The following OPCML variants were observed in gnomAD, a reference collection of about 807,000 sequenced individuals.
The protein encoded by OPCML is opioid binding protein/cell adhesion molecule like, also known as opioid-binding protein/cell adhesion molecule.
OPCML carries 13 observed loss-of-function variants against 37.8 expected under a neutral mutation model. That is an observed-to-expected ratio of 0.34 (90% CI 0.22 to 0.55). The LOEUF is 0.55. Ranked by LOEUF, OPCML falls within the 20% of genes least tolerant of loss-of-function variation. The probability of loss-of-function intolerance (pLI) is 0.91; values close to 1 mark genes in which losing one functional copy is unlikely to be tolerated. For missense variants in OPCML, 341 were observed against 435.6 expected (o/e 0.78, Z 1.93); for synonymous variants, 176 against 168.8 (o/e 1.04, Z -0.33).
intron 1 of OPCML, among the ~76,000 whole-genome samples, chr11:133,429,262 C>T (rs538492829): frequency 3.3e-5 from 5 of 152,166 alleles, no homozygotes; most frequent in Non-Finnish European, 7.3e-5. Flanking sequence ...ACCAGTCTGA[C>T]GTGTTCAAGA....
intron 1 of OPCML, among the ~76,000 whole-genome samples, chr11:133,333,352 C>A (rs1241894380): frequency 6.6e-6 from 1 of 151,820 alleles, no homozygotes; most frequent in South Asian, 2.1e-4. Flanking sequence ...ACACAACCAT[C>A]TGATTTTTAA....
intron 3 of OPCML, among the ~76,000 whole-genome samples, chr11:132,612,200 A>G (rs1216537017): frequency 1.3e-5 from 2 of 152,204 alleles, no homozygotes; most frequent in Non-Finnish European, 2.9e-5. Context: ...TAAGTTACCT[A>G]GAAGAAAAAC....
intron 1 of OPCML, among the ~76,000 whole-genome samples, chr11:133,056,108 T>G (rs1019142972): frequency 6.6e-6 from 1 of 152,248 alleles, no homozygotes; most frequent in African/African-American, 2.4e-5. Context: ...AAAGGCCCAG[T>G]TATCATGGAT....
chr11:133,012,505 A>G (rs1947237877), intron 1 of OPCML, among the ~76,000 whole-genome samples: 2 of 152,234 alleles, frequency 1.3e-5, no homozygotes, highest in Non-Finnish European at 2.9e-5. Flanking sequence ...GGTGTTGCAC[A>G]TGACAGAAAC....
intron 4 of OPCML, among the ~76,000 whole-genome samples, chr11:132,479,966 C>T (rs2096173385): frequency 6.6e-6 from 1 of 152,190 alleles, no homozygotes; most frequent in Non-Finnish European, 1.5e-5. Flanking sequence ...GAGCGCCTCT[C>T]CTCCTCCAAA....
At chr11:133,150,543 G>A (rs1949964810) in intron 1 of OPCML, among the ~76,000 whole-genome samples, 2 of 152,280 alleles carry the variant, frequency 1.3e-5, no homozygotes, top group South Asian at 2.1e-4. Context: ...CTGCCTTACA[G>A]TGTCCTCTAA....
chr11:133,086,677 G>A (rs963583029), intron 1 of OPCML, among the ~76,000 whole-genome samples: 3 of 152,112 alleles, frequency 2.0e-5, no homozygotes, highest in African/African-American at 4.8e-5. Context: ...CTGTACCTTA[G>A]GTCCCCAGAA....
At chr11:133,332,208 C>A (rs974464955) in intron 1 of OPCML, among the ~76,000 whole-genome samples, 1 of 152,074 alleles carries the variant, frequency 6.6e-6, no homozygotes, top group Non-Finnish European at 1.5e-5. Context: ...AATGAGATTG[C>A]CTTTCTGATT....
intron 1 of OPCML, among the ~76,000 whole-genome samples, chr11:133,247,395 T>C (rs182710546): frequency 2.6e-4 from 40 of 152,300 alleles, no homozygotes; most frequent in African/African-American, 9.4e-4. Flanking sequence ...TTAGCAAAGA[T>C]ACACAGTTTC....
rs1228955578 is a variant in OPCML, at chr11:133,015,455, TGAAG to T, written c.62-72449_62-72446del. ...ATGAAGGAAGGAAGGAAGGAAGGAA[TGAAG>T]GAAGGAAGGAAGGAAGGAATGAAGG... On this transcript the variant is annotated intron_variant, in intron 1 of 7. Transcript: ENST00000524381. Among the ~76,000 whole-genome samples the T allele has an allele frequency of 9.3e-3, 614 of 65,990 alleles. 2 individuals carry two copies. The highest frequency in any genetic ancestry group is 0.011 in the Non-Finnish European group (356 of 31,222). 43.3% of individuals were successfully genotyped at this position (65,990 alleles called of 152,430 possible). A position where few individuals can be genotyped will look rare whatever the true frequency, so the allele number is the denominator to read the frequency against.
chr11:133,516,944 T>C (rs1256988830), intron 1 of OPCML, among the ~76,000 whole-genome samples: 1 of 152,186 alleles, frequency 6.6e-6, no homozygotes, highest in Non-Finnish European at 1.5e-5. Flanking sequence ...TGCCACAAGA[T>C]GGGGTCTTCC....
intron 2 of OPCML, among the ~76,000 whole-genome samples, chr11:132,808,909 TAC>T (rs1255850741): frequency 6.6e-6 from 1 of 152,062 alleles, no homozygotes; most frequent in Non-Finnish European, 1.5e-5. Flanking sequence ...TAGTTTCAGA[TAC>T]AAACATAATT....
chr11:133,506,496 A>C (rs533162320), intron 1 of OPCML, among the ~76,000 whole-genome samples: 38 of 152,316 alleles, frequency 2.5e-4, no homozygotes, highest in Non-Finnish European at 4.6e-4. Flanking sequence ...TGGTCTCTCC[A>C]TCTTTGCCTC....
intron 1 of OPCML, among the ~76,000 whole-genome samples, chr11:133,201,305 C>CTTT (rs71477789): frequency 0.18 from 26,395 of 147,660 alleles, 2,384 homozygotes; most frequent in Admixed American, 0.22. Flanking sequence ...ACAATGCATG[C>CTTT]TTTTTTTTTT....
chr11:133,240,091 A>T (rs1486293353), intron 1 of OPCML, among the ~76,000 whole-genome samples: 4 of 151,848 alleles, frequency 2.6e-5, no homozygotes, highest in African/African-American at 9.7e-5. Flanking sequence ...ATTAGAATGT[A>T]CGTGCTGCTC....
intron 1 of OPCML, among the ~76,000 whole-genome samples, chr11:133,440,681 C>T (rs1358202029): frequency 6.7e-6 from 1 of 149,226 alleles, no homozygotes; most frequent in Non-Finnish European, 1.5e-5. Flanking sequence ...GAGCCAAGAC[C>T]TCACCATGGC....
At chr11:133,250,475 G>A (rs368385782) in intron 1 of OPCML, among the ~76,000 whole-genome samples, 2 of 139,368 alleles carry the variant, frequency 1.4e-5, no homozygotes, top group African/African-American at 2.6e-5. Flanking sequence ...TGGAAGGAAG[G>A]GAGGGAAGAA....
Position 132,733,430 on chromosome 11 carries a change from G to A in OPCML, c.147-76111C>T, listed in dbSNP as rs1217177235. Among the ~76,000 whole-genome samples, 4 of 152,274 alleles carry A rather than the reference G, an allele frequency of 2.6e-5. No individual in the cohort carries two copies. The East Asian group carries it at 7.7e-4, about 29-fold the overall frequency. On this transcript the variant is annotated intron_variant, in intron 2 of 7. Coordinates refer to ENST00000524381, the MANE Select transcript of OPCML (RefSeq NM_001012393.5). ...TTTAGAAACAGGGGGAAATAAATTG[G>A]ATATATGTGTGTAGCTGAGAGGTAT...
At chr11:132,464,002 A>G (rs1364837179) in intron 4 of OPCML, among the ~76,000 whole-genome samples, 1 of 152,192 alleles carries the variant, frequency 6.6e-6, no homozygotes, top group Admixed American at 6.5e-5. Context: ...AACTCCCTGG[A>G]GTTTGAACTA....
Sources: gnomAD v4.1 joint callset for allele counts (sites outside exome capture counted in the v4.1 genomes callset) on GRCh38, gnomAD v4.1.1 for gene constraint, MANE v1.5 for transcripts, NCBI Gene and HGNC (gene_info 2026-07-23, HGNC 2026-07-21) for gene names.